KDM4C: variants seen among roughly 807,000 people sequenced by gnomAD.
The protein encoded by KDM4C is lysine demethylase 4C, also known as lysine-specific demethylase 4C.
Under a neutral mutation model 129.3 loss-of-function variants are expected in KDM4C, and 81 were observed. The observed-to-expected ratio is 0.63, with a 90% CI of 0.52 to 0.75. The LOEUF (loss-of-function observed/expected upper bound fraction) is 0.75. Ranked by LOEUF, KDM4C falls within the 30% of genes least tolerant of loss-of-function variation. KDM4C has a pLI of 0.00. For synonymous variants in KDM4C, 573 were observed against 456.1 expected (o/e 1.26, Z -3.26); for missense variants, 1,457 against 1,304.0 (o/e 1.12, Z -1.81).
intron 8 of KDM4C, among the ~76,000 whole-genome samples, chr9:6,894,438 T>C (rs1306407834): frequency 6.6e-6 from 1 of 152,248 alleles, no homozygotes; most frequent in Non-Finnish European, 1.5e-5. Context: ...ACTGCATTGC[T>C]TTTGTGGAAA....
At chr9:7,030,168 C>T (rs1406545785) in intron 15 of KDM4C, among the ~76,000 whole-genome samples, 1 of 152,054 alleles carries the variant, frequency 6.6e-6, no homozygotes, top group East Asian at 1.9e-4. Flanking sequence ...TTCCATTTTG[C>T]TTTAATTAGT....
chr9:6,799,023 C>T (rs1222154025), intron 2 of KDM4C, among the ~76,000 whole-genome samples: 2 of 150,162 alleles, frequency 1.3e-5, no homozygotes, highest in African/African-American at 4.9e-5. Flanking sequence ...CGGGAAGAGG[C>T]GCTCCTCACT....
intron 17 of KDM4C, among the ~76,000 whole-genome samples, chr9:7,055,009 T>C (rs1830680243): frequency 6.6e-6 from 1 of 152,130 alleles, no homozygotes; most frequent in Non-Finnish European, 1.5e-5. Context: ...AAACCCCATC[T>C]CTACTAAAAA....
intron 1 of KDM4C, chr9:6,726,444 A>G (rs1032766821): frequency 1.4e-4 from 22 of 152,292 alleles, no homozygotes; most frequent in African/African-American, 5.3e-4. Context: ...CAGCTAAGTC[A>G]GTGATGACAC....
Position 7,117,239 on chromosome 9 carries a change from G to A in KDM4C, c.2611-10827G>A, listed in dbSNP as rs147296824. On this transcript the variant is annotated intron_variant, in intron 18 of 21. Transcript: ENST00000381309. ...TTTACATGGTATTAAGATTTACCTG[G>A]ACTTCCTTCTTGGTGGTACAGAAAA... 1.8e-3 allele frequency among the ~76,000 whole-genome samples: 267 copies of A among 152,088 alleles called. 1 individual carries two copies. The highest frequency in any genetic ancestry group is 6.0e-3 in the African/African-American group (250 of 41,492).
chr9:6,981,167 A>C, intron 9 of KDM4C, 49 bp downstream of exon 9: 13 of 1,473,466 alleles, frequency 8.8e-6, no homozygotes, highest in Non-Finnish European at 1.2e-5. Flanking sequence ...GTGTTTTCTC[A>C]GTTAAAATGG....
At chr9:6,838,140 G>A (rs1836225040) in intron 4 of KDM4C, among the ~76,000 whole-genome samples, 1 of 152,116 alleles carries the variant, frequency 6.6e-6, no homozygotes, top group Non-Finnish European at 1.5e-5. Flanking sequence ...CCTTCAGGTT[G>A]GACTGGACAT....
intron 6 of KDM4C, among the ~76,000 whole-genome samples, chr9:6,882,769 CATTT>C (rs1445464887): frequency 8.4e-4 from 101 of 119,890 alleles, no homozygotes; most frequent in African/African-American, 3.3e-3. Flanking sequence ...TGCTTTTAAG[CATTT>C]GTGTGTGTGT....
chr9:6,835,052 C>T (rs1360588414), intron 4 of KDM4C: 4 of 952,498 alleles, frequency 4.2e-6, no homozygotes, highest in Admixed American at 3.4e-5. Context: ...TACAGCTTCA[C>T]CACCACGGCT....
At chr9:6,741,779 GCTGA>G (rs1817705849) in intron 1 of KDM4C, among the ~76,000 whole-genome samples, 1 of 149,092 alleles carries the variant, frequency 6.7e-6, no homozygotes, top group Admixed American at 6.8e-5. Context: ...TGTTTCCCAG[GCTGA>G]TTTTGAACTC....
Position 7,075,809 on chromosome 9 carries a change from AT to A in KDM4C, c.2424+26621del, listed in dbSNP as rs199736134. Reference sequence around the variant, plus strand: ...GGCATACTCTTTAATCATTCTGAGGATTTTTTTTTTTTCTTTTTTTGAGACA... The same window carrying A: ...GGCATACTCTTTAATCATTCTGAGGATTTTTTTTTTTCTTTTTTTGAGACA... On this transcript the variant is annotated intron_variant, in intron 17 of 21. Coordinates refer to ENST00000381309, the MANE Select transcript of KDM4C (RefSeq NM_015061.6). 3.0e-3 allele frequency among the ~76,000 whole-genome samples: 445 copies of A among 146,368 alleles called. 2 individuals are homozygous for A. Among genetic ancestry groups the A allele is most frequent in the African/African-American group, 8.5e-3 (340 of 40,130 alleles).
At chr9:6,980,608 T>C (rs1349573192) in intron 8 of KDM4C, among the ~76,000 whole-genome samples, 1 of 152,176 alleles carries the variant, frequency 6.6e-6, no homozygotes, top group Admixed American at 6.5e-5. Context: ...CATTGACACA[T>C]CATTGTGATG....
Position 6,806,908 on chromosome 9 carries a change from C to CTCTCCGTCTCCCCACGG in KDM4C, c.320+1139_320+1140insGTCTCCCCACGGTCTCC. On this transcript the variant is annotated intron_variant, in intron 3 of 21. Coordinates refer to ENST00000381309, the MANE Select transcript of KDM4C (RefSeq NM_015061.6). ...CCTCTCCCTCTCCCTCTCCCTCTCC[C>CTCTCCGTCTCCCCACGG]TCTCCCTCTCCGTCTCCCCACGGTC... 1.4e-5 allele frequency among the ~76,000 whole-genome samples: 2 copies of CTCTCCGTCTCCCCACGG among 144,986 alleles called. 1 individual carries two copies. Among genetic ancestry groups the CTCTCCGTCTCCCCACGG allele is most frequent in the Middle Eastern group, 7.3e-3 (2 of 274 alleles).
At chr9:6,879,079 C>A (rs1001981655) in intron 5 of KDM4C, among the ~76,000 whole-genome samples, 3 of 152,070 alleles carry the variant, frequency 2.0e-5, no homozygotes, top group African/African-American at 7.2e-5. Flanking sequence ...TAAATGAAAC[C>A]AAGTGTGGTG....
intron 8 of KDM4C, among the ~76,000 whole-genome samples, chr9:6,894,837 C>T (rs1846605108): frequency 6.6e-6 from 1 of 152,142 alleles, no homozygotes; most frequent in African/African-American, 2.4e-5. Flanking sequence ...GATCTGACAA[C>T]CAAGTTTTCT....
chr9:7,116,417 G>T (rs1838901777), intron 18 of KDM4C, among the ~76,000 whole-genome samples: 1 of 152,078 alleles, frequency 6.6e-6, no homozygotes, highest in South Asian at 2.1e-4. Flanking sequence ...TTTAATTGAG[G>T]TTATATGGAC....
chr9:6,837,927 T>C (rs2129710429), intron 4 of KDM4C, among the ~76,000 whole-genome samples: 1 of 152,344 alleles, frequency 6.6e-6, no homozygotes, highest in South Asian at 2.1e-4. Flanking sequence ...TTGCATATTC[T>C]ATCCTCAGTA....
chr9:6,888,311 A>G (rs996385635), intron 7 of KDM4C, among the ~76,000 whole-genome samples: 9 of 152,246 alleles, frequency 5.9e-5, no homozygotes, highest in Non-Finnish European at 1.2e-4. Flanking sequence ...AATGTAGCAC[A>G]TTCTATAAAA....
chr9:6,753,072 C>T (rs192292834), upstream of KDM4C, among the ~76,000 whole-genome samples: 184 of 152,264 alleles, frequency 1.2e-3, no homozygotes, highest in Non-Finnish European at 2.3e-3. Flanking sequence ...CAATACTAAT[C>T]AGTATCTCAA....
Sources: allele counts gnomAD v4.1 joint callset (sites outside exome capture counted in the v4.1 genomes callset), GRCh38; gene constraint gnomAD v4.1.1; transcripts MANE v1.5; gene names NCBI Gene and HGNC (gene_info 2026-07-23, HGNC 2026-07-21).